Variants in L2HGDH observed in about 807,000 individuals in gnomAD.
L2HGDH encodes L-2-hydroxyglutarate dehydrogenase, mitochondrial.
L2HGDH carries 34 observed loss-of-function variants against 51.5 expected under a neutral mutation model. That is an observed-to-expected ratio of 0.66 (90% confidence interval 0.50 to 0.88). The LOEUF (loss-of-function observed/expected upper bound fraction) is 0.88, where lower values mean the gene tolerates loss of function less well. Among genes scored for constraint, L2HGDH ranks in the 40% least tolerant of loss-of-function variants. The probability of loss-of-function intolerance (pLI) is 0.00; values close to 1 mark genes in which losing one functional copy is unlikely to be tolerated. For missense variants in L2HGDH, 558 were observed against 571.9 expected (o/e 0.98, Z 0.25); for synonymous variants, 198 against 197.9 (o/e 1.00, Z -0.01).
chr14:50,310,064 AACACAC>A (rs369927410), intron 1 of L2HGDH, among the ~76,000 whole-genome samples: 6 of 151,384 alleles, frequency 4.0e-5, no homozygotes, highest in Middle Eastern at 3.4e-3. Flanking sequence ...CATAGAACTA[AACACAC>A]ACACACACAC....
At chr14:50,306,549 T>C (rs1211106784) in intron 1 of L2HGDH, among the ~76,000 whole-genome samples, 1 of 151,796 alleles carries the variant, frequency 6.6e-6, no homozygotes, top group Non-Finnish European at 1.5e-5. Context: ...ATAATAATGC[T>C]TCTCATCCTT....
chr14:50,306,953 T>C (rs1595153864), intron 1 of L2HGDH, among the ~76,000 whole-genome samples: 1 of 152,084 alleles, frequency 6.6e-6, no homozygotes, highest in Non-Finnish European at 1.5e-5. Flanking sequence ...GTAGCTGATA[T>C]TATAGGCGAA....
At chr14:50,281,483 T>G (rs1032079443) in intron 5 of L2HGDH, among the ~76,000 whole-genome samples, 7 of 152,174 alleles carry the variant, frequency 4.6e-5, no homozygotes, top group African/African-American at 1.7e-4. Flanking sequence ...TCCCAGTTAC[T>G]TGGGAGGCTG....
rs1257467834 is a variant in L2HGDH, at chr14:50,246,999, T to A, written c.*59A>T. ...CCATTTTTTAAATTAAAGAATGCAA[T>A]TAGTACATTCTTGTTGCTGACATGA... On this transcript the variant is annotated 3_prime_UTR_variant, in exon 10 of 10. Coordinates refer to ENST00000267436, the MANE Select transcript of L2HGDH (RefSeq NM_024884.3). The A allele has an allele frequency of 6.4e-7, 1 of 1,568,346 alleles. No individual in the cohort carries two copies. The highest frequency in any genetic ancestry group is 8.7e-7 in the Non-Finnish European group (1 of 1,151,336).
At position 50,242,974 on chromosome 14, in the gene L2HGDH, C is replaced by A; in HGVS notation, c.*4084G>T. 2 of 985,422 alleles carry A rather than the reference C, an allele frequency of 2.0e-6. No individual in the cohort carries two copies. The highest frequency in any genetic ancestry group is 2.4e-6 in the Non-Finnish European group (2 of 829,948). The allele number at this position is 985,422 out of a possible 1,614,324, so 61.0% of individuals were successfully genotyped here. A position where few individuals can be genotyped will look rare whatever the true frequency, so the allele number is the denominator to read the frequency against. ...GGGTTGGATTGCCTCCAAAAGTAGG[C>A]CCTACAAACTCCCGTAGGCCAGGGC... On this transcript the variant is annotated 3_prime_UTR_variant, in exon 10 of 10. Transcript: ENST00000267436.
chr14:50,302,010 G>A lies in L2HGDH; in HGVS notation c.408+7C>T, dbSNP rs1191535101. On this transcript the variant is annotated splice_region_variant and intron_variant, in intron 3 of 9. Transcript: ENST00000267436. ...AAATTAGTCAAGGCTCTAATAAAAT[G>A]CCATACCTTGCCACACTGCTTGTAG... The A allele has an allele frequency of 6.2e-7, 1 of 1,613,858 alleles. No homozygotes were observed. Among genetic ancestry groups the A allele is most frequent in the Non-Finnish European group, 8.5e-7 (1 of 1,179,860 alleles).
intron 9 of L2HGDH, among the ~76,000 whole-genome samples, chr14:50,256,790 G>A (rs535218811): frequency 6.6e-6 from 1 of 152,046 alleles, no homozygotes; most frequent in South Asian, 2.1e-4. Flanking sequence ...TTACTCAGAT[G>A]GGATGCACTG....
In L2HGDH at chr14:50,271,053, C is replaced by T. The variant is rs111793037; in HGVS notation, c.739-1723G>A. 4.8e-3 allele frequency among the ~76,000 whole-genome samples: 732 copies of T among 152,208 alleles called. 6 individuals are homozygous for T. The highest frequency in any genetic ancestry group is 0.017 in the African/African-American group (692 of 41,536). On this transcript the variant is annotated intron_variant, in intron 6 of 9. Coordinates refer to ENST00000267436, the MANE Select transcript of L2HGDH (RefSeq NM_024884.3). ...CATTACCCAGGCTGGAGTGCGATGG[C>T]GCAGTCCTGGCTCACTACAGCCTCA...
chr14:50,262,181 C>T (rs1168722070), intron 9 of L2HGDH, among the ~76,000 whole-genome samples: 3 of 152,088 alleles, frequency 2.0e-5, no homozygotes, highest in African/African-American at 7.2e-5. Flanking sequence ...CCCCTGTAAT[C>T]CCAGCACTTT....
chr14:50,259,658 T>C (rs905660306), intron 9 of L2HGDH, among the ~76,000 whole-genome samples: 8 of 151,228 alleles, frequency 5.3e-5, no homozygotes, highest in African/African-American at 1.9e-4. Context: ...TAAAATCCCA[T>C]CTCTACTAAA....
chr14:50,300,811 TA>T (rs1028762875), intron 3 of L2HGDH, among the ~76,000 whole-genome samples: 5 of 152,080 alleles, frequency 3.3e-5, no homozygotes, highest in African/African-American at 1.2e-4. Flanking sequence ...AAATAAGAAA[TA>T]AAGTTAAAAA....
intron 9 of L2HGDH, among the ~76,000 whole-genome samples, chr14:50,263,061 T>G (rs1889126588): frequency 6.6e-6 from 1 of 152,196 alleles, no homozygotes; most frequent in Non-Finnish European, 1.5e-5. Flanking sequence ...CCATATGAAA[T>G]CCAGTGGTCT....
Position 50,245,180 on chromosome 14 carries a change from G to C in L2HGDH, c.*1878C>G. On this transcript the variant is annotated 3_prime_UTR_variant, in exon 10 of 10. Coordinates refer to ENST00000267436, the MANE Select transcript of L2HGDH (RefSeq NM_024884.3). ...AAAAATATCCCTATACAAGTTTATA[G>C]GAGCCCTGAAAAATCAAGTACGTAT... is the stretch of plus-strand genomic sequence containing the variant. 2 of 985,442 alleles carry C rather than the reference G, an allele frequency of 2.0e-6. No individual in the cohort carries two copies. The highest frequency in any genetic ancestry group is 2.4e-6 in the Non-Finnish European group (2 of 829,880). The allele number at this position is 985,442 out of a possible 1,614,324, so 61.0% of individuals were successfully genotyped here. A position where few individuals can be genotyped will look rare whatever the true frequency, so the allele number is the denominator to read the frequency against.
At chr14:50,273,265 A>G (rs1889798969) in intron 6 of L2HGDH, among the ~76,000 whole-genome samples, 1 of 152,192 alleles carries the variant, frequency 6.6e-6, no homozygotes, top group Non-Finnish European at 1.5e-5. Flanking sequence ...ATCATTAGAA[A>G]AAGATGACCT....
chr14:50,308,391 A>G (rs776683714), intron 1 of L2HGDH, among the ~76,000 whole-genome samples: 4 of 27,200 alleles, frequency 1.5e-4, no homozygotes, highest in Non-Finnish European at 2.5e-4. Context: ...CATCTCAGAA[A>G]AAAAAAAAAA....
At chr14:50,294,344 C>A in intron 3 of L2HGDH, 98 bp from the exon 4 acceptor site, 1 of 1,178,104 alleles carries the variant, frequency 8.5e-7, no homozygotes. Context: ...TTGTATGACC[C>A]AAAGGAGGTT....
chr14:50,255,501 A>G (rs1595067571), intron 9 of L2HGDH, among the ~76,000 whole-genome samples: 1 of 144,946 alleles, frequency 6.9e-6, no homozygotes, highest in Non-Finnish European at 1.5e-5. Flanking sequence ...GAGCCATTGC[A>G]CTCCAGCCTG....
intron 3 of L2HGDH, among the ~76,000 whole-genome samples, chr14:50,300,522 T>C (rs954456494): frequency 6.6e-6 from 1 of 151,944 alleles, no homozygotes; most frequent in African/African-American, 2.4e-5. Context: ...CTCGAACTCC[T>C]GACCTCAAGT....
Position 50,260,482 on chromosome 14 carries a change from T to C in L2HGDH, c.1196+4876A>G, listed in dbSNP as rs1301428780. On this transcript the variant is annotated intron_variant, in intron 9 of 9. Transcript: ENST00000267436. Reference sequence around the variant, plus strand: ...TTGAGTCACACATAAATTACAAATATAACTCAAGCCCCTCAGTTATTAAAA... The same window carrying C: ...TTGAGTCACACATAAATTACAAATACAACTCAAGCCCCTCAGTTATTAAAA... 2.4e-4 allele frequency among the ~76,000 whole-genome samples: 36 copies of C among 152,340 alleles called. 1 individual carries two copies. Among genetic ancestry groups the C allele is most frequent in the Admixed American group, 1.3e-4 (2 of 15,302 alleles).
Sources: gnomAD v4.1 joint callset for allele counts (sites outside exome capture counted in the v4.1 genomes callset) on GRCh38, gnomAD v4.1.1 for gene constraint, MANE v1.5 for transcripts, NCBI Gene and HGNC (gene_info 2026-07-23, HGNC 2026-07-21) for gene names.